ST3GAL3: variants seen among roughly 807,000 people sequenced by gnomAD.
ST3GAL3 encodes the protein CMP-N-acetylneuraminate-beta-1,4-galactoside alpha-2,3-sialyltransferase.
Under a neutral mutation model 50.1 loss-of-function variants are expected in ST3GAL3, and 21 were observed. The observed-to-expected ratio is 0.42, with a 90% CI of 0.30 to 0.60. The LOEUF (loss-of-function observed/expected upper bound fraction) is 0.60, where lower values mean the gene tolerates loss of function less well. Ranked by LOEUF, ST3GAL3 falls within the 20% of genes least tolerant of loss-of-function variation. ST3GAL3 has a pLI of 0.19. For missense variants in ST3GAL3, 353 were observed against 489.4 expected, an observed-to-expected ratio of 0.72 and a Z score of 2.63; for synonymous variants, 183 against 190.0, an observed-to-expected ratio of 0.96 and a Z score of 0.30.
At chr1:43,818,115 C>T (rs1410516510) in intron 4 of ST3GAL3, among the ~76,000 whole-genome samples, 2 of 152,018 alleles carry the variant, frequency 1.3e-5, no homozygotes, top group East Asian at 1.9e-4. Flanking sequence ...TTCCCTCTGC[C>T]CCACTCTCTC....
intron 2 of ST3GAL3, among the ~76,000 whole-genome samples, chr1:43,755,969 T>G (rs1358817246): frequency 6.6e-6 from 1 of 151,510 alleles, no homozygotes; most frequent in Non-Finnish European, 1.5e-5. Context: ...GGCATGGTGG[T>G]ACATGCCTGT....
At chr1:43,714,208 G>A (rs2154061717) in intron 1 of ST3GAL3, among the ~76,000 whole-genome samples, 1 of 150,842 alleles carries the variant, frequency 6.6e-6, no homozygotes, top group African/African-American at 2.4e-5. Context: ...AGGTTGCAGT[G>A]AGCCGAGATC....
intron 6 of ST3GAL3, among the ~76,000 whole-genome samples, chr1:43,896,268 T>G (rs1325119323): frequency 1.3e-5 from 2 of 151,846 alleles, no homozygotes; most frequent in Admixed American, 6.6e-5. Flanking sequence ...GGGATACTTC[T>G]CAGTCCTTAA....
chr1:43,884,680 T>G (rs2075691787), intron 5 of ST3GAL3, among the ~76,000 whole-genome samples: 1 of 152,224 alleles, frequency 6.6e-6, no homozygotes, highest in African/African-American at 2.4e-5. Context: ...TATAACGGAC[T>G]GATGTGCTGT....
At chr1:43,893,219 T>C (rs925025811) in intron 5 of ST3GAL3, among the ~76,000 whole-genome samples, 2 of 152,252 alleles carry the variant, frequency 1.3e-5, no homozygotes, top group Non-Finnish European at 2.9e-5. Context: ...CATGCTGTGG[T>C]TGCTTCTGGG....
At chr1:43,772,142 C>T (rs984301383) in intron 2 of ST3GAL3, 3 of 397,012 alleles carry the variant, frequency 7.6e-6, no homozygotes, top group Middle Eastern at 6.2e-4. Context: ...CTCCGCCTCC[C>T]GGGTTCAAGC....
At chr1:43,918,427 C>CT (rs904616194) in intron 9 of ST3GAL3, among the ~76,000 whole-genome samples, 5 of 152,034 alleles carry the variant, frequency 3.3e-5, no homozygotes, top group Admixed American at 1.3e-4. Flanking sequence ...CTAGATTTCC[C>CT]TTTTTTTGTT....
chr1:43,739,668 T>C (rs941714760), intron 2 of ST3GAL3, among the ~76,000 whole-genome samples: 1 of 152,206 alleles, frequency 6.6e-6, no homozygotes, highest in South Asian at 2.1e-4. Context: ...ACAATTATTA[T>C]AATATACTGA....
intron 2 of ST3GAL3, among the ~76,000 whole-genome samples, chr1:43,775,061 C>T (rs1225473680): frequency 6.6e-6 from 1 of 152,090 alleles, no homozygotes; most frequent in African/African-American, 2.4e-5. Context: ...GTCCCTGACT[C>T]CCTGATTCTG....
At chr1:43,813,891 A>G (rs12725929) in intron 3 of ST3GAL3, among the ~76,000 whole-genome samples, 6,049 of 44,432 alleles carry the variant, frequency 0.14, 164 homozygotes, top group South Asian at 0.25. Flanking sequence ...ACACACACAC[A>G]CACGCACACA....
At chr1:43,926,324 C>T (rs2083917223) in intron 11 of ST3GAL3, among the ~76,000 whole-genome samples, 1 of 152,230 alleles carries the variant, frequency 6.6e-6, no homozygotes, top group Non-Finnish European at 1.5e-5. Flanking sequence ...CGCGGTCCCT[C>T]ACGCCTGTAA....
intron 5 of ST3GAL3, among the ~76,000 whole-genome samples, chr1:43,852,816 G>C (rs1403406028): frequency 6.6e-6 from 1 of 152,194 alleles, no homozygotes; most frequent in African/African-American, 2.4e-5. Flanking sequence ...TCACTCATTA[G>C]TCAAGAGAAT....
Position 43,844,938 on chromosome 1 carries a change from T to C in ST3GAL3, c.302+6627T>C, listed in dbSNP as rs1010385738. On this transcript the variant is annotated intron_variant, in intron 5 of 11. Coordinates refer to ENST00000347631, the MANE Select transcript of ST3GAL3 (RefSeq NM_006279.5). ...CCAGGAGCAGAGACCAATATTTGTA[T>C]TTTTTATTATTTCATAGCCTGCACA... Among the ~76,000 whole-genome samples, 7 of 152,212 alleles carry C rather than the reference T, an allele frequency of 4.6e-5. No individual in the cohort carries two copies. In the East Asian group the frequency reaches 1.2e-3, roughly 25 times the overall value.
chr1:43,764,295 A>G (rs749947731), intron 2 of ST3GAL3, among the ~76,000 whole-genome samples: 9 of 152,196 alleles, frequency 5.9e-5, no homozygotes, highest in Non-Finnish European at 1.3e-4. Context: ...TTTTAATAGT[A>G]TAGTACATTC....
chr1:43,922,536 C>T (rs112353926), intron 11 of ST3GAL3: 6,090 of 151,504 alleles, frequency 0.04, 143 homozygotes, highest in East Asian at 0.13. Context: ...CATGGTGGCT[C>T]ACGCCTGTAA....
At chr1:43,811,456 A>C (rs554600416) in intron 3 of ST3GAL3, among the ~76,000 whole-genome samples, 1 of 152,084 alleles carries the variant, frequency 6.6e-6, no homozygotes, top group African/African-American at 2.4e-5. Flanking sequence ...CGGTTCCCCC[A>C]GTATGGGTAA....
intron 2 of ST3GAL3, among the ~76,000 whole-genome samples, chr1:43,784,587 C>A (rs2057040505): frequency 6.6e-6 from 1 of 152,196 alleles, no homozygotes; most frequent in East Asian, 1.9e-4. Flanking sequence ...ATTTGAATCT[C>A]TCTATTATCT....
chr1:43,744,794 G>A (rs1373500980), intron 2 of ST3GAL3, among the ~76,000 whole-genome samples: 1 of 151,672 alleles, frequency 6.6e-6, no homozygotes, highest in Non-Finnish European at 1.5e-5. Flanking sequence ...CCTGAGGTCA[G>A]GAGTTTGAGA....
intron 9 of ST3GAL3, among the ~76,000 whole-genome samples, chr1:43,906,567 C>G (rs1286800320): frequency 6.9e-6 from 1 of 145,220 alleles, no homozygotes; most frequent in Non-Finnish European, 1.5e-5. Context: ...TCCCGCCACT[C>G]TTCCTCCTCC....
Sources: allele counts gnomAD v4.1 joint callset (sites outside exome capture counted in the v4.1 genomes callset), GRCh38; gene constraint gnomAD v4.1.1; transcripts MANE v1.5; gene names NCBI Gene and HGNC (gene_info 2026-07-23, HGNC 2026-07-21).